ATE1: variants seen among roughly 807,000 people sequenced by gnomAD.
The protein encoded by ATE1 is arginyltransferase 1.
In ATE1, 36 loss-of-function variants were observed where a neutral mutation model predicts 70.5. The observed-to-expected ratio is 0.51, with a 90% confidence interval of 0.39 to 0.67. The LOEUF (loss-of-function observed/expected upper bound fraction) is 0.67, where lower values mean the gene tolerates loss of function less well. Ranked by LOEUF, ATE1 falls within the 30% of genes least tolerant of loss-of-function variation. The pLI is 0.00. For synonymous variants in ATE1, 232 were observed against 219.3 expected (o/e 1.06, Z -0.51); for missense variants, 593 against 629.5 (o/e 0.94, Z 0.62).
chr10:121,841,505 T>C (rs1015440589), intron 8 of ATE1, among the ~76,000 whole-genome samples: 2 of 152,164 alleles, frequency 1.3e-5, no homozygotes, highest in African/African-American at 4.8e-5. Flanking sequence ...GTTTTAATAC[T>C]TGACAGTAGG....
chr10:121,891,017 C>T (rs557506938), intron 7 of ATE1, among the ~76,000 whole-genome samples: 9 of 152,260 alleles, frequency 5.9e-5, no homozygotes, highest in African/African-American at 1.4e-4. Context: ...GAGGTATATA[C>T]CCTGGTTCTT....
chr10:121,905,352 A>G (rs2134359649), intron 5 of ATE1, among the ~76,000 whole-genome samples: 1 of 152,332 alleles, frequency 6.6e-6, no homozygotes, highest in Middle Eastern at 3.4e-3. Context: ...TATACTGAAA[A>G]TTACATTCCT....
chr10:121,822,416 T>C lies in ATE1; in HGVS notation c.1257+14302A>G, dbSNP rs139418823. Among the ~76,000 whole-genome samples the C allele has an allele frequency of 5.4e-4, 83 of 152,322 alleles. 1 individual carries two copies. The East Asian group carries it at 0.014, about 27-fold the overall frequency. On this transcript the variant is annotated intron_variant, in intron 10 of 11. Transcript: ENST00000224652. The stretch of plus-strand genomic sequence containing the variant: ...ACCAAGGATGGTAGTGATGGGCTTG[T>C]GGGGTGCTGGGCACCTTCTGTTTCT...
chr10:121,810,015 C>A (rs546879189), intron 10 of ATE1, among the ~76,000 whole-genome samples: 1 of 152,186 alleles, frequency 6.6e-6, no homozygotes, highest in East Asian at 1.9e-4. Flanking sequence ...GAAGGCTGAA[C>A]CAGTGATGTC....
At chr10:121,905,083 T>C (rs760721362) in intron 5 of ATE1, among the ~76,000 whole-genome samples, 2 of 152,204 alleles carry the variant, frequency 1.3e-5, no homozygotes, top group African/African-American at 2.4e-5. Flanking sequence ...CCTGAGGTCA[T>C]GGACGAGGCT....
At chr10:121,858,231 A>G (rs1177213962) in intron 8 of ATE1, among the ~76,000 whole-genome samples, 38 of 152,148 alleles carry the variant, frequency 2.5e-4, no homozygotes, top group Non-Finnish European at 1.5e-5. Flanking sequence ...TCTACTTTTA[A>G]TGTTTTGAGG....
intron 7 of ATE1, among the ~76,000 whole-genome samples, chr10:121,881,358 G>A (rs1009091950): frequency 3.6e-4 from 54 of 152,010 alleles, no homozygotes; most frequent in African/African-American, 1.3e-3. Context: ...ATGGATTACA[G>A]TACCCCAATA....
At chr10:121,745,920 AAAGG>A (rs766842154) in intron 11 of ATE1, among the ~76,000 whole-genome samples, 7 of 152,222 alleles carry the variant, frequency 4.6e-5, no homozygotes, top group Non-Finnish European at 8.8e-5. Context: ...TTAAAAAGAC[AAAGG>A]AAGATAGACT....
chr10:121,922,987 TTCTC>T (rs992265310), intron 2 of ATE1, among the ~76,000 whole-genome samples: 1 of 152,176 alleles, frequency 6.6e-6, no homozygotes, highest in African/African-American at 2.4e-5. Flanking sequence ...TTGTCCCCTC[TTCTC>T]TATCACCATT....
intron 7 of ATE1, among the ~76,000 whole-genome samples, chr10:121,893,993 C>T (rs747547983): frequency 7.2e-5 from 11 of 151,884 alleles, no homozygotes; most frequent in African/African-American, 2.7e-4. Flanking sequence ...CAAAATTAGC[C>T]GGGCGTGGTG....
chr10:121,842,471 TA>T (rs952189143), intron 8 of ATE1, among the ~76,000 whole-genome samples: 16 of 149,366 alleles, frequency 1.1e-4, no homozygotes, highest in Admixed American at 3.3e-4. Flanking sequence ...TAGAAGAGAA[TA>T]AAAAAAAATG....
intron 8 of ATE1, among the ~76,000 whole-genome samples, chr10:121,866,846 CAAA>C (rs35535465): frequency 4.9e-5 from 5 of 102,934 alleles, no homozygotes; most frequent in African/African-American, 4.3e-5. Context: ...GACTCTGTCT[CAAA>C]AAAAAAAAAA....
At chr10:121,751,193 G>T (rs186759682) in intron 11 of ATE1, among the ~76,000 whole-genome samples, 2 of 152,172 alleles carry the variant, frequency 1.3e-5, no homozygotes, top group African/African-American at 2.4e-5. Flanking sequence ...ATTTCACTCG[G>T]AATATTTTTG....
chr10:121,894,736 TA>T (rs1282587447), intron 7 of ATE1, among the ~76,000 whole-genome samples: 1 of 151,804 alleles, frequency 6.6e-6, no homozygotes, highest in Non-Finnish European at 1.5e-5. Flanking sequence ...CCGTCTCTAC[TA>T]AAAATACAAA....
At chr10:121,832,678 C>T (rs569960362) in intron 10 of ATE1, among the ~76,000 whole-genome samples, 1 of 152,312 alleles carries the variant, frequency 6.6e-6, no homozygotes, top group South Asian at 2.1e-4. Flanking sequence ...ATTCTGAGGC[C>T]TCTCCAGCCA....
chr10:121,911,025 C>T lies in ATE1; in HGVS notation c.464G>A (p.Gly155Glu). 6.2e-7 allele frequency: 1 copy of T among 1,613,860 alleles called. No homozygotes were observed. Among genetic ancestry groups the T allele is most frequent in the Non-Finnish European group, 8.5e-7 (1 of 1,179,984 alleles). The change falls in exon 5 of 12, where the codon GGA (glycine) becomes GAA (glutamate). Residue 155 changes from glycine to glutamate, a missense_variant. By Grantham distance (98) the Gly-to-Glu change is moderately conservative. This residue lies in a region of ATE1 where 467 missense variants were observed against 469.6 expected (regional missense o/e 0.99). Coordinates refer to ENST00000224652, the MANE Select transcript of ATE1 (RefSeq NM_001001976.3). ...DDIKESLESE[G>E]KNSKKEEPQE... is the part of the protein sequence containing the mutation. ...AGGTTCTTCTTTCTTTGAATTTTTTCCTTCACTCTCTAAACTCTCTTTGAT... is the reference window on the plus strand; with the variant it reads ...AGGTTCTTCTTTCTTTGAATTTTTTTCTTCACTCTCTAAACTCTCTTTGAT...
chr10:121,813,786 T>C (rs989073697), intron 10 of ATE1, among the ~76,000 whole-genome samples: 13 of 152,222 alleles, frequency 8.5e-5, no homozygotes, highest in Admixed American at 8.5e-4. Flanking sequence ...TGCTATTCAC[T>C]GGCTCTGCTT....
intron 10 of ATE1, among the ~76,000 whole-genome samples, chr10:121,825,971 G>A (rs527785450): frequency 1.3e-5 from 2 of 152,348 alleles, no homozygotes; most frequent in Non-Finnish European, 2.9e-5. Flanking sequence ...TATATACAGT[G>A]AAATGTTATT....
chr10:121,823,454 T>C (rs1174612767), intron 10 of ATE1, among the ~76,000 whole-genome samples: 1 of 152,240 alleles, frequency 6.6e-6, no homozygotes, highest in Admixed American at 6.5e-5. Context: ...GAACTTGGTC[T>C]GGAAAAGCAG....
Sources: allele counts gnomAD v4.1 joint callset (sites outside exome capture counted in the v4.1 genomes callset), GRCh38; gene constraint gnomAD v4.1.1; regional missense constraint gnomAD v4.1.1; transcripts MANE v1.5; gene names NCBI Gene and HGNC (gene_info 2026-07-23, HGNC 2026-07-21).